SCEL: variants seen among roughly 807,000 people sequenced by gnomAD.
SCEL encodes sciellin.
Under a neutral mutation model 117.6 loss-of-function variants are expected in SCEL, and 113 were observed. The ratio of observed to expected loss-of-function variants is 0.96; its 90% confidence interval spans 0.83 to 1.12. The LOEUF (loss-of-function observed/expected upper bound fraction) is 1.12, where lower values mean the gene tolerates loss of function less well. Among genes scored for constraint, SCEL ranks in the 50% most tolerant of loss-of-function variants. The probability of loss-of-function intolerance (pLI) is 0.00; values close to 1 mark genes in which losing one functional copy is unlikely to be tolerated. For missense variants in SCEL, 785 were observed against 810.8 expected, an observed-to-expected ratio of 0.97 and a Z score of 0.39; for synonymous variants, 270 against 256.2, an observed-to-expected ratio of 1.05 and a Z score of -0.51.
At chr13:77,602,182 C>A in intron 16 of SCEL, 58 bp downstream of exon 16, 1 of 1,391,632 alleles carries the variant, frequency 7.2e-7, no homozygotes, top group Non-Finnish European at 1.0e-6. Context: ...TTTTTTACCT[C>A]ATTAGGAATG....
At chr13:77,621,871 A>G (rs1277651544) in intron 27 of SCEL, among the ~76,000 whole-genome samples, 3 of 152,210 alleles carry the variant, frequency 2.0e-5, no homozygotes, top group Non-Finnish European at 2.9e-5. Context: ...TCAATAAACT[A>G]TAGTGAATGG....
intron 15 of SCEL, 160 bp downstream of exon 15, chr13:77,599,908 C>A: frequency 1.7e-6 from 1 of 593,732 alleles, no homozygotes. Flanking sequence ...GTTTTGCCAC[C>A]AACATCAATC....
chr13:77,589,078 A>C, intron 9 of SCEL, 66 bp from the exon 10 acceptor site: 1 of 1,157,190 alleles, frequency 8.6e-7, no homozygotes, highest in Non-Finnish European at 1.3e-6. Context: ...AAATGCATTC[A>C]GTTAATAGAT....
chr13:77,572,518 A>T (rs2085697761), intron 9 of SCEL, among the ~76,000 whole-genome samples: 1 of 152,182 alleles, frequency 6.6e-6, no homozygotes, highest in Non-Finnish European at 1.5e-5. Flanking sequence ...TTATTGTCTC[A>T]TGGTTTTAGA....
At chr13:77,584,837 A>G (rs2086471783) in intron 9 of SCEL, among the ~76,000 whole-genome samples, 1 of 152,214 alleles carries the variant, frequency 6.6e-6, no homozygotes, top group Non-Finnish European at 1.5e-5. Context: ...TGATGCATAC[A>G]CCCAACACAA....
intron 5 of SCEL, among the ~76,000 whole-genome samples, chr13:77,566,957 G>T (rs1203321098): frequency 6.6e-6 from 1 of 151,930 alleles, no homozygotes; most frequent in Admixed American, 6.6e-5. Context: ...TGATTGCTCA[G>T]AAAGAAAAGA....
chr13:77,642,224 C>G (rs2090590451), intron 31 of SCEL, among the ~76,000 whole-genome samples: 1 of 151,990 alleles, frequency 6.6e-6, no homozygotes, highest in Admixed American at 6.6e-5. Context: ...TAGACACAAC[C>G]AATTAATCAA....
At chr13:77,579,390 T>A (rs753840328) in intron 9 of SCEL, among the ~76,000 whole-genome samples, 18 of 152,230 alleles carry the variant, frequency 1.2e-4, no homozygotes, top group Non-Finnish European at 2.2e-4. Context: ...TTTTAATATT[T>A]CTTAATATCT....
intron 9 of SCEL, among the ~76,000 whole-genome samples, chr13:77,581,912 G>A (rs625169): frequency 0.21 from 31,671 of 151,986 alleles, 4,108 homozygotes; most frequent in African/African-American, 0.36. Context: ...TTGTGTGGAG[G>A]GGAGTGGAAG....
chr13:77,625,934 G>T (rs2089708764), intron 27 of SCEL, among the ~76,000 whole-genome samples: 2 of 152,088 alleles, frequency 1.3e-5, no homozygotes, highest in African/African-American at 4.8e-5. Flanking sequence ...CTCAAAATGT[G>T]GAATCAATAG....
chr13:77,593,295 T>TGTGTGTGTGCGCAC (rs796907419), intron 11 of SCEL, among the ~76,000 whole-genome samples: 1 of 136,784 alleles, frequency 7.3e-6, no homozygotes, highest in Non-Finnish European at 1.6e-5. Flanking sequence ...TGTGTGTGTG[T>TGTGTGTGTGCGCAC]GTCTGTGTGT....
chr13:77,565,330 A>T (rs985112300), intron 5 of SCEL, among the ~76,000 whole-genome samples: 4 of 151,734 alleles, frequency 2.6e-5, no homozygotes, highest in African/African-American at 9.7e-5. Flanking sequence ...GAACTCAAGC[A>T]TTTTTTTTCA....
chr13:77,542,516 A>G (rs1021372446), intron 1 of SCEL, among the ~76,000 whole-genome samples: 3 of 152,234 alleles, frequency 2.0e-5, no homozygotes, highest in East Asian at 1.9e-4. Flanking sequence ...AAGTTTCCCA[A>G]TGCTAAGCTT....
chr13:77,582,690 GA>G (rs1383740513), intron 9 of SCEL, among the ~76,000 whole-genome samples: 1 of 152,068 alleles, frequency 6.6e-6, no homozygotes, highest in Non-Finnish European at 1.5e-5. Flanking sequence ...TTCTCTTAAC[GA>G]TGCACTTTTG....
chr13:77,613,436 A>G (rs992259939), intron 23 of SCEL, among the ~76,000 whole-genome samples: 2 of 152,222 alleles, frequency 1.3e-5, no homozygotes, highest in African/African-American at 4.8e-5. Flanking sequence ...GACAAAAGTT[A>G]ATAAAAGCAT....
At chr13:77,604,266 T>A (rs554198367) in intron 18 of SCEL, 90 bp from the exon 19 acceptor site, 3 of 776,314 alleles carry the variant, frequency 3.9e-6, no homozygotes, top group African/African-American at 1.8e-5. Flanking sequence ...AACTTGTATA[T>A]TTACCACTTC....
chr13:77,574,765 A>C (rs1227178253), intron 9 of SCEL, among the ~76,000 whole-genome samples: 2 of 152,230 alleles, frequency 1.3e-5, no homozygotes, highest in Non-Finnish European at 2.9e-5. Context: ...GGTCAAAAAC[A>C]GATAAAAATG....
At chr13:77,556,156 G>A (rs1213239862) in intron 2 of SCEL, among the ~76,000 whole-genome samples, 2 of 152,170 alleles carry the variant, frequency 1.3e-5, no homozygotes, top group African/African-American at 4.8e-5. Context: ...CCTTCTTTGT[G>A]TTTGGCTCTT....
At chr13:77,593,259 A>AGTGTGTGTGTGTGTGTGTGTGTGTGTGT (rs4052543) in intron 11 of SCEL, among the ~76,000 whole-genome samples, 2 of 111,110 alleles carry the variant, frequency 1.8e-5, no homozygotes, top group African/African-American at 4.3e-5. Flanking sequence ...AACAGAGGGG[A>AGTGTGTGTGTGTGTGTGTGTGTGTGTGT]GTGTGTGTGT....
Sources: allele counts gnomAD v4.1 joint callset (sites outside exome capture counted in the v4.1 genomes callset), GRCh38; gene constraint gnomAD v4.1.1; transcripts MANE v1.5; gene names NCBI Gene and HGNC (gene_info 2026-07-23, HGNC 2026-07-21).